The following EDIL3 variants were observed in gnomAD, a reference collection of about 807,000 sequenced individuals.
EDIL3 encodes the protein EGF-like repeat and discoidin I-like domain-containing protein 3.
Under a neutral mutation model 67.4 loss-of-function variants are expected in EDIL3, and 37 were observed. That is an observed-to-expected ratio of 0.55 (90% CI 0.42 to 0.72). EDIL3 has a LOEUF of 0.72. Ranked by LOEUF, EDIL3 falls within the 30% of genes least tolerant of loss-of-function variation. The pLI, the probability that EDIL3 is intolerant of heterozygous loss-of-function variation, is 0.00. For missense variants in EDIL3, 527 were observed against 586.3 expected (o/e 0.90, Z 1.04); for synonymous variants, 195 against 196.3 (o/e 0.99, Z 0.05).
intron 1 of EDIL3, among the ~76,000 whole-genome samples, chr5:84,311,847 C>T (rs1033257789): frequency 6.6e-6 from 1 of 152,130 alleles, no homozygotes; most frequent in Non-Finnish European, 1.5e-5. Flanking sequence ...GTGGACACAG[C>T]ACATGTTTCA....
chr5:84,143,790 C>T (rs1748246286), intron 4 of EDIL3, among the ~76,000 whole-genome samples: 1 of 151,946 alleles, frequency 6.6e-6, no homozygotes, highest in Non-Finnish European at 1.5e-5. Context: ...ACAGATGCCT[C>T]TTTCAGTAAA....
At chr5:84,158,926 C>T (rs1748541042) in intron 4 of EDIL3, among the ~76,000 whole-genome samples, 1 of 151,962 alleles carries the variant, frequency 6.6e-6, no homozygotes, top group African/African-American at 2.4e-5. Flanking sequence ...TACTCTACTC[C>T]TCCAAATATC....
chr5:84,141,597 A>G (rs1442908786), intron 4 of EDIL3, among the ~76,000 whole-genome samples: 1 of 148,778 alleles, frequency 6.7e-6, no homozygotes, highest in Non-Finnish European at 1.5e-5. Flanking sequence ...AGAAGAAGGA[A>G]GACAGAGGAC....
At chr5:84,213,191 G>GT (rs34340201) in intron 3 of EDIL3, among the ~76,000 whole-genome samples, 4,912 of 149,104 alleles carry the variant, frequency 0.033, 256 homozygotes, top group African/African-American at 0.11. Flanking sequence ...ATTTTCAGTG[G>GT]TTTTTTTTTT....
intron 6 of EDIL3, among the ~76,000 whole-genome samples, chr5:84,104,310 CT>C (rs1747419577): frequency 6.6e-6 from 1 of 151,484 alleles, no homozygotes; most frequent in Non-Finnish European, 1.5e-5. Flanking sequence ...ACAAAATAAT[CT>C]GTACAACAAA....
chr5:84,025,517 A>G (rs1444327405), intron 9 of EDIL3, among the ~76,000 whole-genome samples: 1 of 152,148 alleles, frequency 6.6e-6, no homozygotes, highest in Admixed American at 6.6e-5. Flanking sequence ...CAATGTAATA[A>G]TAATAAAAAT....
chr5:84,377,723 A>G (rs139177056), intron 1 of EDIL3, among the ~76,000 whole-genome samples: 98 of 152,336 alleles, frequency 6.4e-4, no homozygotes, highest in African/African-American at 2.2e-3. Context: ...TGGTCTTCCC[A>G]TTTATGAAAT....
rs73146536 is a variant in EDIL3, at chr5:84,366,685, A to G, written c.67+17623T>C. Among the ~76,000 whole-genome samples, 365 of 152,326 alleles carry G rather than the reference A, an allele frequency of 2.4e-3. 1 individual carries two copies. Among genetic ancestry groups the G allele is most frequent in the African/African-American group, 8.6e-3 (356 of 41,582 alleles). The stretch of plus-strand genomic sequence containing the variant: ...AAAAACGGAAAGGGGATAACAAGAA[A>G]GTATTCCACTAACTACGAAAGACTC... On this transcript the variant is annotated intron_variant, in intron 1 of 10. Coordinates refer to ENST00000296591, the MANE Select transcript of EDIL3 (RefSeq NM_005711.5).
intron 9 of EDIL3, among the ~76,000 whole-genome samples, chr5:84,021,473 A>G (rs1745712040): frequency 6.6e-6 from 1 of 151,986 alleles, no homozygotes; most frequent in Non-Finnish European, 1.5e-5. Context: ...ATGATTGTTC[A>G]GGAGCATACT....
chr5:84,264,300 T>C (rs1195199416), intron 1 of EDIL3, among the ~76,000 whole-genome samples: 3 of 152,148 alleles, frequency 2.0e-5, no homozygotes, highest in Non-Finnish European at 4.4e-5. Flanking sequence ...TTCTGTGTAG[T>C]AGGCTGCTGC....
intron 10 of EDIL3, among the ~76,000 whole-genome samples, chr5:83,957,253 A>G (rs73141985): frequency 0.03 from 4,559 of 151,750 alleles, 232 homozygotes; most frequent in African/African-American, 0.1. Context: ...CTCTTGAAAG[A>G]CAATTCACTC....
rs139856170 is a variant in EDIL3 at position 84,012,936 on chromosome 5, T to C, written c.1137+47364A>G. Among the ~76,000 whole-genome samples the C allele has an allele frequency of 2.1e-3, 320 of 152,146 alleles. 1 individual carries two copies. The highest frequency in any genetic ancestry group is 7.5e-3 in the African/African-American group (312 of 41,564). ...AATCTATTAGGTATATTATCATTTA[T>C]ATGAAAATTTTATTGTGTTCAGATA... is the stretch of plus-strand genomic sequence containing the variant. On this transcript the variant is annotated intron_variant, in intron 9 of 10. Transcript: ENST00000296591.
At chr5:84,058,595 T>C (rs1580304609) in intron 9 of EDIL3, among the ~76,000 whole-genome samples, 1 of 152,136 alleles carries the variant, frequency 6.6e-6, no homozygotes, top group East Asian at 1.9e-4. Context: ...TGTTAGTGTG[T>C]GGAGCTGGTG....
intron 1 of EDIL3, among the ~76,000 whole-genome samples, chr5:84,288,754 C>T (rs1745858781): frequency 6.6e-6 from 1 of 152,066 alleles, no homozygotes; most frequent in Non-Finnish European, 1.5e-5. Context: ...TCTTCCTGAC[C>T]CCAAATCCTG....
intron 10 of EDIL3, among the ~76,000 whole-genome samples, chr5:83,958,421 C>T (rs913099619): frequency 6.6e-6 from 1 of 151,418 alleles, no homozygotes; most frequent in Non-Finnish European, 1.5e-5. Flanking sequence ...CGTGTGATTC[C>T]TCTTTAAGGA....
chr5:84,101,487 A>T (rs1747364913), intron 6 of EDIL3, among the ~76,000 whole-genome samples: 1 of 152,066 alleles, frequency 6.6e-6, no homozygotes, highest in South Asian at 2.1e-4. Flanking sequence ...CCAAATAAAC[A>T]CAATTAGAAA....
chr5:84,346,522 T>C (rs1320016374), intron 1 of EDIL3, among the ~76,000 whole-genome samples: 7 of 152,188 alleles, frequency 4.6e-5, no homozygotes, highest in African/African-American at 1.7e-4. Context: ...ATCATAATAT[T>C]TTCTTGAGTA....
chr5:84,213,686 T>C (rs1744173815), intron 3 of EDIL3, among the ~76,000 whole-genome samples: 2 of 152,212 alleles, frequency 1.3e-5, no homozygotes, highest in African/African-American at 2.4e-5. Flanking sequence ...CTAAATCTTG[T>C]TGAATTCTAG....
intron 9 of EDIL3, among the ~76,000 whole-genome samples, chr5:83,972,036 T>C (rs1428948964): frequency 1.3e-5 from 2 of 152,166 alleles, no homozygotes; most frequent in African/African-American, 4.8e-5. Flanking sequence ...TTGTCAATCT[T>C]CTCTTGTCAA....
Sources: allele counts gnomAD v4.1 joint callset (sites outside exome capture counted in the v4.1 genomes callset), GRCh38; gene constraint gnomAD v4.1.1; transcripts MANE v1.5; gene names NCBI Gene and HGNC (gene_info 2026-07-23, HGNC 2026-07-21).